The following PLCE1 variants were observed in gnomAD, a reference collection of about 807,000 sequenced individuals.
PLCE1 encodes phospholipase C epsilon 1, also known as 1-phosphatidylinositol 4,5-bisphosphate phosphodiesterase epsilon-1.
PLCE1 carries 119 observed loss-of-function variants against 242.8 expected under a neutral mutation model. The observed-to-expected ratio is 0.49, with a 90% confidence interval of 0.42 to 0.57. PLCE1 has a LOEUF of 0.57. Among genes scored for constraint, PLCE1 ranks in the 20% least tolerant of loss-of-function variants. The pLI, the probability that PLCE1 is intolerant of heterozygous loss-of-function variation, is 0.00. For missense variants in PLCE1, 2,441 were observed against 2,788.8 expected, an observed-to-expected ratio of 0.88 and a Z score of 2.81; for synonymous variants, 945 against 1,017.4, an observed-to-expected ratio of 0.93 and a Z score of 1.35.
At chr10:94,310,779 G>A (rs1449749427) in intron 27 of PLCE1, among the ~76,000 whole-genome samples, 3 of 152,074 alleles carry the variant, frequency 2.0e-5, no homozygotes, top group African/African-American at 2.4e-5. Context: ...CCAACTCTCT[G>A]GCAACAGCTG....
intron 2 of PLCE1, among the ~76,000 whole-genome samples, chr10:94,071,495 G>GTTTTTTTTTTTTGTTGTTGTTTTT (rs2044353147): frequency 1.2e-5 from 1 of 83,314 alleles, no homozygotes; most frequent in Non-Finnish European, 2.1e-5. Context: ...TTTGGTTTTC[G>GTTTTTTTTTTTTGTTGTTGTTTTT]TTTTTTTTTT....
intron 14 of PLCE1, 116 bp downstream of exon 14, chr10:94,262,848 G>T: frequency 2.4e-6 from 2 of 842,920 alleles, no homozygotes; most frequent in Non-Finnish European, 4.1e-6. Flanking sequence ...ATCTGGGACA[G>T]ATATACAGTT....
At chr10:94,017,630 T>C (rs2061305650) in intron 1 of PLCE1, among the ~76,000 whole-genome samples, 1 of 152,198 alleles carries the variant, frequency 6.6e-6, no homozygotes, top group Non-Finnish European at 1.5e-5. Flanking sequence ...GTGTTGATTA[T>C]AATACAAATA....
rs530137167 is a variant in PLCE1 at position 94,273,528 on chromosome 10, G to A, written c.4507-34G>A. The A allele has an allele frequency of 1.2e-5, 19 of 1,573,594 alleles. 1 individual carries two copies. The highest frequency in any genetic ancestry group is 6.7e-5 in the Admixed American group (4 of 59,894). ...TATATTTATCAATTATAGATAAAAG[G>A]CATTGATTGTATGTTTTCCTTCATT... On this transcript the variant is annotated intron_variant, in intron 18 of 32. Transcript: ENST00000371380.
At chr10:94,319,388 A>ATAAG (rs2053696959) in intron 29 of PLCE1, among the ~76,000 whole-genome samples, 2 of 152,360 alleles carry the variant, frequency 1.3e-5, no homozygotes, top group East Asian at 3.9e-4. Context: ...GATTTGGGCT[A>ATAAG]TAAGTATTTC....
intron 4 of PLCE1, among the ~76,000 whole-genome samples, chr10:94,173,907 A>G (rs954173606): frequency 6.6e-6 from 1 of 152,238 alleles, no homozygotes; most frequent in Non-Finnish European, 1.5e-5. Flanking sequence ...TCTCTACTGG[A>G]CACGACTGGA....
intron 4 of PLCE1, among the ~76,000 whole-genome samples, chr10:94,184,317 C>G (rs1215394959): frequency 1.3e-5 from 2 of 152,090 alleles, no homozygotes; most frequent in Non-Finnish European, 2.9e-5. Flanking sequence ...CCTACTTCTC[C>G]AACTTAACTT....
intron 2 of PLCE1, among the ~76,000 whole-genome samples, chr10:94,040,495 C>T (rs1374386615): frequency 6.6e-6 from 1 of 152,180 alleles, no homozygotes; most frequent in African/African-American, 2.4e-5. Flanking sequence ...CGCCACATCA[C>T]AATAATGCAC....
intron 17 of PLCE1, among the ~76,000 whole-genome samples, chr10:94,269,601 A>G (rs2133114504): frequency 6.6e-6 from 1 of 152,320 alleles, no homozygotes; most frequent in Non-Finnish European, 1.5e-5. Flanking sequence ...ACCTTACATT[A>G]GTTAGCATGT....
At chr10:94,102,002 C>T (rs1227193057) in intron 2 of PLCE1, among the ~76,000 whole-genome samples, 1 of 152,084 alleles carries the variant, frequency 6.6e-6, no homozygotes, top group Admixed American at 6.6e-5. Flanking sequence ...TCTGCTCAGC[C>T]TATTGAGAAG....
intron 2 of PLCE1, among the ~76,000 whole-genome samples, chr10:94,097,598 C>T (rs1051014305): frequency 2.0e-5 from 3 of 152,078 alleles, no homozygotes; most frequent in African/African-American, 4.8e-5. Context: ...GGTAGTAAGG[C>T]GGAGCTTAAC....
intron 18 of PLCE1, among the ~76,000 whole-genome samples, chr10:94,272,227 C>T (rs2051772368): frequency 6.6e-6 from 1 of 152,118 alleles, no homozygotes; most frequent in Non-Finnish European, 1.5e-5. Flanking sequence ...GACAGACATT[C>T]CCAGAGCAGC....
At chr10:94,226,845 T>C (rs1260530690) in intron 4 of PLCE1, among the ~76,000 whole-genome samples, 1 of 141,870 alleles carries the variant, frequency 7.0e-6, no homozygotes, top group East Asian at 2.0e-4. Flanking sequence ...TTTTTTTTTT[T>C]TTTTTTTTTT....
chr10:94,059,969 C>G (rs1301042296), intron 2 of PLCE1, among the ~76,000 whole-genome samples: 1 of 152,066 alleles, frequency 6.6e-6, no homozygotes, highest in Non-Finnish European at 1.5e-5. Flanking sequence ...ATTTGTTACA[C>G]CCTTCAATTA....
chr10:94,044,002 A>G (rs2061828473), intron 2 of PLCE1, among the ~76,000 whole-genome samples: 1 of 152,218 alleles, frequency 6.6e-6, no homozygotes, highest in South Asian at 2.1e-4. Context: ...AAAGAATGTG[A>G]ATGAACCAGT....
chr10:94,241,531 C>G (rs554112162), intron 7 of PLCE1, among the ~76,000 whole-genome samples: 10 of 152,292 alleles, frequency 6.6e-5, no homozygotes, highest in African/African-American at 1.7e-4. Flanking sequence ...GTGGCTCCCC[C>G]CTGTAATCCC....
intron 3 of PLCE1, among the ~76,000 whole-genome samples, chr10:94,153,884 C>A (rs917684765): frequency 7.2e-5 from 11 of 152,230 alleles, no homozygotes; most frequent in African/African-American, 2.4e-4. Context: ...AAGACCTAAA[C>A]GAATGGAAAG....
intron 18 of PLCE1, among the ~76,000 whole-genome samples, 171 bp downstream of exon 18, chr10:94,270,773 G>A (rs750430280): frequency 2.0e-5 from 3 of 152,008 alleles, no homozygotes; most frequent in African/African-American, 7.3e-5. Flanking sequence ...AGGTTCAAGC[G>A]ATTGTCCTGC....
At chr10:94,220,218 A>G (rs2049678152) in intron 4 of PLCE1, among the ~76,000 whole-genome samples, 2 of 151,034 alleles carry the variant, frequency 1.3e-5, no homozygotes, top group South Asian at 4.2e-4. Flanking sequence ...ACACACACAC[A>G]CATACACACA....
Sources: gnomAD v4.1 joint callset for allele counts (sites outside exome capture counted in the v4.1 genomes callset) on GRCh38, gnomAD v4.1.1 for gene constraint, MANE v1.5 for transcripts, NCBI Gene and HGNC (gene_info 2026-07-23, HGNC 2026-07-21) for gene names.